The following CRK variants were observed in gnomAD, a reference collection of about 807,000 sequenced individuals.
The protein encoded by CRK is adapter molecule crk.
In CRK, 4 loss-of-function variants were observed where a neutral mutation model predicts 29.8. That is an observed-to-expected ratio of 0.13 (90% CI 0.07 to 0.31). CRK has a LOEUF of 0.31. CRK is among the 10% of genes least tolerant of loss of function. CRK has a pLI of 1.00. For missense variants in CRK, 274 were observed against 396.5 expected (o/e 0.69, Z 2.62); for synonymous variants, 153 against 164.9 (o/e 0.93, Z 0.55).
intron 2 of CRK, among the ~76,000 whole-genome samples, chr17:1,430,132 C>T (rs1363886348): frequency 6.6e-6 from 1 of 151,458 alleles, no homozygotes; most frequent in Non-Finnish European, 1.5e-5. Flanking sequence ...GCAACCTCCA[C>T]CTCCCGGGTT....
rs1409321965 is a variant in CRK, at chr17:1,422,022, A to C, written c.*1491T>G. 6.6e-6 allele frequency: 1 copy of C among 152,144 alleles called. No homozygotes were observed. The highest frequency in any genetic ancestry group is 1.5e-5 in the Non-Finnish European group (1 of 68,028). 9.4% of individuals were successfully genotyped at this position (152,144 alleles called of 1,614,324 possible). A position where few individuals can be genotyped will look rare whatever the true frequency, so the allele number is the denominator to read the frequency against. On this transcript the variant is annotated 3_prime_UTR_variant, in exon 3 of 3. Coordinates refer to ENST00000300574, the MANE Select transcript of CRK (RefSeq NM_016823.4). The stretch of plus-strand genomic sequence containing the variant: ...CATTCCATACTTAAATGGGTTTGTA[A>C]ACTAAACCTGAACATAAACAAAGAG...
chr17:1,436,280 T>C (rs2073885662), intron 2 of CRK, among the ~76,000 whole-genome samples: 13 of 152,190 alleles, frequency 8.5e-5, no homozygotes, highest in Admixed American at 8.5e-4. Flanking sequence ...CACCTTCTTT[T>C]AGACAACGAC....
In CRK at chr17:1,456,231, A is replaced by C; in HGVS notation, c.-114T>G. The stretch of plus-strand genomic sequence containing the variant: ...TTTCAGCTTCACAGCAGCGCCCGAA[A>C]TGGCGGCGGCAGCCGCGGGCCTCCC... On this transcript the variant is annotated 5_prime_UTR_variant, in exon 1 of 3. Coordinates refer to ENST00000300574, the MANE Select transcript of CRK (RefSeq NM_016823.4). 2.4e-6 allele frequency: 3 copies of C among 1,262,036 alleles called. No individual in the cohort carries two copies. The highest frequency in any genetic ancestry group is 4.3e-5 in the Admixed American group (1 of 23,076). 78.2% of individuals were successfully genotyped at this position (1,262,036 alleles called of 1,614,324 possible).
At chr17:1,428,213 G>T (rs2150900311) in intron 2 of CRK, among the ~76,000 whole-genome samples, 2 of 150,992 alleles carry the variant, frequency 1.3e-5, no homozygotes, top group Middle Eastern at 6.8e-3. Flanking sequence ...CCGCCTCCAG[G>T]ATTCAAATGA....
intron 1 of CRK, among the ~76,000 whole-genome samples, chr17:1,444,422 C>G (rs1021251114): frequency 5.9e-5 from 9 of 152,022 alleles, no homozygotes; most frequent in African/African-American, 1.9e-4. Context: ...CCAGCTACTT[C>G]GGAGGCTGAG....
intron 2 of CRK, among the ~76,000 whole-genome samples, chr17:1,434,403 C>T (rs947550483): frequency 2.0e-5 from 3 of 152,162 alleles, no homozygotes; most frequent in African/African-American, 4.8e-5. Context: ...TCTAGCTCAA[C>T]TGATAATGCC....
intron 2 of CRK, among the ~76,000 whole-genome samples, chr17:1,434,715 G>A (rs377634498): frequency 7.3e-5 from 11 of 151,198 alleles, no homozygotes; most frequent in African/African-American, 1.7e-4. Flanking sequence ...CCTGGGAGGC[G>A]GAGGTTGCAG....
intron 2 of CRK, among the ~76,000 whole-genome samples, chr17:1,427,364 G>C (rs1457911323): frequency 6.6e-6 from 1 of 151,682 alleles, no homozygotes; most frequent in African/African-American, 2.4e-5. Flanking sequence ...GAGGCTGAGG[G>C]CGGCAGATCA....
At chr17:1,439,989 A>G (rs775309525) in intron 1 of CRK, among the ~76,000 whole-genome samples, 1 of 152,032 alleles carries the variant, frequency 6.6e-6, no homozygotes, top group Non-Finnish European at 1.5e-5. Flanking sequence ...CCTCATCACT[A>G]CAAAAATTAT....
At chr17:1,442,604 G>GTTTT (rs1250848672) in intron 1 of CRK, among the ~76,000 whole-genome samples, 1 of 109,354 alleles carries the variant, frequency 9.1e-6, no homozygotes, top group African/African-American at 3.0e-5. Context: ...GTGTGAAAGG[G>GTTTT]TCTTTTTTTT....
At chr17:1,436,547 T>C in intron 2 of CRK, 73 bp downstream of exon 2, 1 of 1,477,154 alleles carries the variant, frequency 6.8e-7, no homozygotes, top group Non-Finnish European at 9.1e-7. Context: ...TCAGCATTGC[T>C]ACAAAGCTCT....
At chr17:1,436,220 T>C (rs1337890860) in intron 2 of CRK, among the ~76,000 whole-genome samples, 2 of 152,116 alleles carry the variant, frequency 1.3e-5, no homozygotes, top group Non-Finnish European at 2.9e-5. Flanking sequence ...GAAAATTCCA[T>C]TTAAGTGCTT....
At chr17:1,455,232 G>C (rs567095993) in intron 1 of CRK, among the ~76,000 whole-genome samples, 1 of 152,278 alleles carries the variant, frequency 6.6e-6, no homozygotes, top group African/African-American at 2.4e-5. Flanking sequence ...GGGTTGGGCT[G>C]GTCACTGAAG....
chr17:1,448,154 A>G (rs2073989288), intron 1 of CRK, among the ~76,000 whole-genome samples: 1 of 151,848 alleles, frequency 6.6e-6, no homozygotes, highest in African/African-American at 2.4e-5. Flanking sequence ...CTGAGAAGAT[A>G]TATGGTCTCC....
chr17:1,450,151 G>T (rs2074005999), intron 1 of CRK, among the ~76,000 whole-genome samples: 1 of 152,150 alleles, frequency 6.6e-6, no homozygotes, highest in Admixed American at 6.6e-5. Context: ...GTTGCAGTGA[G>T]CTGAGATCGT....
Position 1,423,040 on chromosome 17 carries a change from T to G in CRK, c.*473A>C, listed in dbSNP as rs909466388. 7 of 400,214 alleles carry G rather than the reference T, an allele frequency of 1.7e-5. No individual in the cohort carries two copies. The highest frequency in any genetic ancestry group is 1.0e-4 in the African/African-American group (5 of 48,620). 24.8% of individuals were successfully genotyped at this position (400,214 alleles called of 1,614,324 possible). A position where few individuals can be genotyped will look rare whatever the true frequency, so the allele number is the denominator to read the frequency against. On this transcript the variant is annotated 3_prime_UTR_variant, in exon 3 of 3. Coordinates refer to ENST00000300574, the MANE Select transcript of CRK (RefSeq NM_016823.4). ...CACACGCTGGTCATGCTCCATACAA[T>G]GAAAGCAATCCTGCTTGATACTATT...
chr17:1,449,010 C>T (rs899785773), intron 1 of CRK, among the ~76,000 whole-genome samples: 20 of 152,174 alleles, frequency 1.3e-4, no homozygotes, highest in Non-Finnish European at 2.8e-4. Context: ...GCCTGAGCAA[C>T]AGGGCCATCA....
chr17:1,422,733 C>T lies in CRK; in HGVS notation c.*780G>A, dbSNP rs1350323554. The T allele has an allele frequency of 2.6e-6, 1 of 389,362 alleles. No homozygotes were observed. Among genetic ancestry groups the T allele is most frequent in the African/African-American group, 2.1e-5 (1 of 48,454 alleles). 24.1% of individuals were successfully genotyped at this position (389,362 alleles called of 1,614,324 possible). On this transcript the variant is annotated 3_prime_UTR_variant, in exon 3 of 3. Coordinates refer to ENST00000300574, the MANE Select transcript of CRK (RefSeq NM_016823.4). ...GCTGTAGAAGGGTGACCTACTACGA[C>T]CCTTTTGGGGAAGGCAGAGAGCTGG...
At chr17:1,455,392 T>G (rs1316091223) in intron 1 of CRK, among the ~76,000 whole-genome samples, 4 of 152,112 alleles carry the variant, frequency 2.6e-5, no homozygotes, top group Admixed American at 2.0e-4. Context: ...TCCCGGCCAG[T>G]ATGTGGTGAC....
Sources: allele counts gnomAD v4.1 joint callset (sites outside exome capture counted in the v4.1 genomes callset), GRCh38; gene constraint gnomAD v4.1.1; transcripts MANE v1.5; gene names NCBI Gene and HGNC (gene_info 2026-07-23, HGNC 2026-07-21).